Variants in PTPRD observed in about 807,000 individuals in gnomAD.
PTPRD encodes protein tyrosine phosphatase receptor type D, also known as receptor-type tyrosine-protein phosphatase delta.
Under a neutral mutation model 214.5 loss-of-function variants are expected in PTPRD, and 34 were observed. The ratio of observed to expected loss-of-function variants is 0.16; its 90% CI spans 0.12 to 0.21. PTPRD has a LOEUF of 0.21. PTPRD is among the 10% of genes least tolerant of loss of function. PTPRD has a pLI of 1.00. For synonymous variants in PTPRD, 1,128 were observed against 845.7 expected, an observed-to-expected ratio of 1.33 and a Z score of -5.79; for missense variants, 2,545 against 2,398.7, an observed-to-expected ratio of 1.06 and a Z score of -1.27.
At chr9:9,587,065 G>T (rs1324720781) in intron 7 of PTPRD, among the ~76,000 whole-genome samples, 5 of 151,822 alleles carry the variant, frequency 3.3e-5, no homozygotes. Context: ...GTGTATATAG[G>T]TAACAAAATG....
intron 12 of PTPRD, among the ~76,000 whole-genome samples, chr9:8,656,084 C>T (rs72700324): frequency 0.26 from 39,798 of 151,882 alleles, 5,522 homozygotes; most frequent in African/African-American, 0.36. Flanking sequence ...ATGAAAAAAA[C>T]ATTTTTTAAC....
chr9:10,003,634 A>G (rs1401823457), intron 4 of PTPRD, among the ~76,000 whole-genome samples: 1 of 151,762 alleles, frequency 6.6e-6, no homozygotes, highest in Non-Finnish European at 1.5e-5. Flanking sequence ...AAATAACCCA[A>G]TAAGATTAAT....
chr9:8,551,336 T>C (rs2082051678), intron 14 of PTPRD, among the ~76,000 whole-genome samples: 1 of 152,208 alleles, frequency 6.6e-6, no homozygotes, highest in Non-Finnish European at 1.5e-5. Flanking sequence ...ATATGAAAGT[T>C]TTCATAATTT....
intron 7 of PTPRD, among the ~76,000 whole-genome samples, chr9:9,603,494 G>C (rs913803421): frequency 2.0e-5 from 3 of 152,116 alleles, no homozygotes; most frequent in African/African-American, 7.2e-5. Context: ...CCAGTCCTTG[G>C]CCTGTCAGGA....
At chr9:8,932,108 C>T (rs12552075) in intron 11 of PTPRD, among the ~76,000 whole-genome samples, 11,156 of 152,012 alleles carry the variant, frequency 0.073, 794 homozygotes, top group East Asian at 0.37. Context: ...TCAGAAAACC[C>T]GCTCCTGGAT....
intron 2 of PTPRD, among the ~76,000 whole-genome samples, chr9:10,579,661 T>G (rs2070960839): frequency 1.3e-5 from 2 of 152,306 alleles, no homozygotes; most frequent in African/African-American, 4.8e-5. Context: ...CAAATAATAG[T>G]TCTAAGTTCT....
intron 3 of PTPRD, among the ~76,000 whole-genome samples, chr9:10,324,385 T>A (rs1239666137): frequency 2.0e-5 from 3 of 152,054 alleles, no homozygotes; most frequent in Non-Finnish European, 4.4e-5. Flanking sequence ...AAAATTTTAT[T>A]CATTATTGAT....
intron 10 of PTPRD, among the ~76,000 whole-genome samples, chr9:9,078,045 C>A (rs2099753728): frequency 6.6e-6 from 1 of 151,948 alleles, no homozygotes; most frequent in South Asian, 2.1e-4. Flanking sequence ...TTTTCAAGGG[C>A]CTTGACATTT....
At chr9:9,756,411 T>C (rs1565015572) in intron 6 of PTPRD, among the ~76,000 whole-genome samples, 1 of 152,150 alleles carries the variant, frequency 6.6e-6, no homozygotes. Context: ...GTTTTAACAA[T>C]GGTTTACGTT....
Position 10,186,381 on chromosome 9 carries a change from A to G in PTPRD, c.-544-152591T>C, listed in dbSNP as rs936190838. Among the ~76,000 whole-genome samples the G allele has an allele frequency of 2.0e-5, 3 of 152,102 alleles. No individual in the cohort carries two copies. The East Asian group carries it at 5.8e-4, about 29-fold the overall frequency. On this transcript the variant is annotated intron_variant, in intron 3 of 45. Coordinates refer to ENST00000381196, the MANE Select transcript of PTPRD (RefSeq NM_002839.4). ...TTGTTTACTTGGGACCAATTTTCTC[A>G]TTTGATTTCAGTTCTTAAATGACTA...
chr9:8,691,899 A>G (rs1243373726), intron 12 of PTPRD, among the ~76,000 whole-genome samples: 1 of 152,178 alleles, frequency 6.6e-6, no homozygotes, highest in Non-Finnish European at 1.5e-5. Flanking sequence ...AAAGTCTTGA[A>G]ATAGTGCCAT....
chr9:10,507,769 C>T (rs543574161), intron 2 of PTPRD, among the ~76,000 whole-genome samples: 3 of 152,260 alleles, frequency 2.0e-5, no homozygotes, highest in African/African-American at 7.2e-5. Context: ...AAACTGGATC[C>T]TTTCCTTATG....
chr9:9,099,340 A>T (rs1400952454), intron 10 of PTPRD, among the ~76,000 whole-genome samples: 1 of 152,238 alleles, frequency 6.6e-6, no homozygotes, highest in Admixed American at 6.5e-5. Context: ...TGTGTCTCTC[A>T]CATGTGTCAA....
chr9:8,663,701 G>A (rs1021631697), intron 12 of PTPRD, among the ~76,000 whole-genome samples: 1 of 152,052 alleles, frequency 6.6e-6, no homozygotes, highest in Non-Finnish European at 1.5e-5. Context: ...ATGTTGGTCA[G>A]GCTGGTCTCC....
intron 6 of PTPRD, among the ~76,000 whole-genome samples, chr9:9,751,448 C>G (rs1359177): frequency 1.3e-5 from 2 of 151,990 alleles, no homozygotes; most frequent in South Asian, 4.1e-4. Context: ...ATAATGACTA[C>G]CTTTTATAAA....
chr9:8,735,822 G>C (rs548802261), intron 11 of PTPRD, among the ~76,000 whole-genome samples: 36 of 147,456 alleles, frequency 2.4e-4, no homozygotes, highest in African/African-American at 9.0e-4. Context: ...TGAGGCAGGA[G>C]AATCACTTGA....
chr9:8,999,494 A>G (rs182241994), intron 11 of PTPRD, among the ~76,000 whole-genome samples: 1 of 152,096 alleles, frequency 6.6e-6, no homozygotes, highest in African/African-American at 2.4e-5. Flanking sequence ...AATGCTATCA[A>G]ACACTTAATA....
intron 16 of PTPRD, among the ~76,000 whole-genome samples, chr9:8,527,131 T>C (rs2074378593): frequency 6.7e-6 from 1 of 149,626 alleles, no homozygotes; most frequent in Non-Finnish European, 1.5e-5. Flanking sequence ...CTATGCTACA[T>C]TGGTGTGCCA....
intron 11 of PTPRD, among the ~76,000 whole-genome samples, chr9:8,894,493 C>A (rs2098587586): frequency 6.7e-6 from 1 of 149,854 alleles, no homozygotes; most frequent in African/African-American, 2.4e-5. Context: ...GTCCATGTAT[C>A]CTGATAGGAG....
Sources: gnomAD v4.1 joint callset for allele counts (sites outside exome capture counted in the v4.1 genomes callset) on GRCh38, gnomAD v4.1.1 for gene constraint, MANE v1.5 for transcripts, NCBI Gene and HGNC (gene_info 2026-07-23, HGNC 2026-07-21) for gene names.